LIFR: variants seen among roughly 807,000 people sequenced by gnomAD.
The protein encoded by LIFR is LIF receptor subunit alpha, also known as leukemia inhibitory factor receptor.
Under a neutral mutation model 122.2 loss-of-function variants are expected in LIFR, and 84 were observed. That is an observed-to-expected ratio of 0.69 (90% CI 0.58 to 0.82). The LOEUF (loss-of-function observed/expected upper bound fraction) is 0.82. LIFR is among the 40% of genes least tolerant of loss of function. The probability of loss-of-function intolerance (pLI) is 0.00; values close to 1 mark genes in which losing one functional copy is unlikely to be tolerated. For missense variants in LIFR, 1,294 were observed against 1,311.6 expected (o/e 0.99, Z 0.21); for synonymous variants, 422 against 434.7 (o/e 0.97, Z 0.36).
Position 38,510,641 on chromosome 5 carries a change from C to T in LIFR, c.814G>A (p.Val272Met), listed in dbSNP as rs754053129. 1.2e-6 allele frequency: 2 copies of T among 1,613,912 alleles called. No homozygotes were observed. Among genetic ancestry groups the T allele is most frequent in the Non-Finnish European group, 1.7e-6 (2 of 1,179,896 alleles). ...GCTGATAACACTTTTTCTTGACTCA[C>T]ACAACAAAATGTTATGTCTGAGCCT... ...LVGSDITFCC[V>M]SQEKVLSALI... Residue 272 changes from valine (V) to methionine (M), a missense_variant, in exon 7 of 20, where the codon GTG (valine) becomes ATG (methionine). Transcript: ENST00000453190.
intron 1 of LIFR, 132 bp downstream of exon 1, chr5:38,556,202 G>A (rs900106402): frequency 5.3e-5 from 8 of 151,966 alleles, no homozygotes; most frequent in Non-Finnish European, 1.0e-4. Context: ...GCGCTCTCCG[G>A]GGTCACTCCC....
chr5:38,507,775 C>G (rs1331504661), intron 7 of LIFR, among the ~76,000 whole-genome samples: 1 of 149,368 alleles, frequency 6.7e-6, no homozygotes, highest in African/African-American at 2.5e-5. Flanking sequence ...TTTTTTTTCA[C>G]AAATCTGAAT....
chr5:38,576,072 C>G (rs1232435492), intron 1 of LIFR, among the ~76,000 whole-genome samples: 1 of 152,164 alleles, frequency 6.6e-6, no homozygotes, highest in Admixed American at 6.5e-5. Context: ...GGCCCACATA[C>G]TAATGCCGTG....
At position 38,479,876 on chromosome 5, in the gene LIFR, T is replaced by C. The variant is rs940344375; in HGVS notation, c.*1719A>G. 2 of 225,804 alleles carry C rather than the reference T, an allele frequency of 8.9e-6. No homozygotes were observed. The highest frequency in any genetic ancestry group is 6.4e-5 in the East Asian group (1 of 15,536). The allele number at this position is 225,804 out of a possible 1,614,324, so 14.0% of individuals were successfully genotyped here. A position where few individuals can be genotyped will look rare whatever the true frequency, so the allele number is the denominator to read the frequency against. ...ACTATTATATAGTTTTAATATACTA[T>C]GTATGTACAAAATGAATTGCATTTC... On this transcript the variant is annotated 3_prime_UTR_variant, in exon 20 of 20. Transcript: ENST00000453190.
At chr5:38,564,094 G>A (rs538418249) in intron 1 of LIFR, among the ~76,000 whole-genome samples, 1 of 152,164 alleles carries the variant, frequency 6.6e-6, no homozygotes, top group South Asian at 2.1e-4. Flanking sequence ...TTTCTCTCCT[G>A]CATTCCTGTT....
intron 1 of LIFR, among the ~76,000 whole-genome samples, chr5:38,563,787 C>T (rs1433043592): frequency 6.6e-6 from 1 of 152,202 alleles, no homozygotes; most frequent in African/African-American, 2.4e-5. Flanking sequence ...CGGTTACTGA[C>T]AACAGTGTGA....
chr5:38,514,140 A>G (rs1163634306), intron 5 of LIFR, among the ~76,000 whole-genome samples: 1 of 152,186 alleles, frequency 6.6e-6, no homozygotes, highest in African/African-American at 2.4e-5. Flanking sequence ...AAAATAGAAA[A>G]TACATAGAAA....
At chr5:38,564,337 C>T (rs1748934796) in intron 1 of LIFR, among the ~76,000 whole-genome samples, 1 of 152,006 alleles carries the variant, frequency 6.6e-6, no homozygotes. Context: ...ATCCTCCCAC[C>T]TCAGCCTCCC....
intron 1 of LIFR, among the ~76,000 whole-genome samples, chr5:38,592,648 C>A (rs1749959982): frequency 8.4e-6 from 1 of 118,618 alleles, no homozygotes; most frequent in South Asian, 2.8e-4. Flanking sequence ...CAGAGCGAGA[C>A]TCCGTCTCAA....
intron 1 of LIFR, among the ~76,000 whole-genome samples, chr5:38,573,007 AC>A (rs2112720089): frequency 6.6e-6 from 1 of 152,268 alleles, no homozygotes; most frequent in Admixed American, 6.5e-5. Context: ...CTGTGTTCTA[AC>A]CATTGATCCA....
chr5:38,491,671 G>A (rs982136128), intron 14 of LIFR, among the ~76,000 whole-genome samples: 5 of 152,242 alleles, frequency 3.3e-5, no homozygotes, highest in African/African-American at 7.2e-5. Flanking sequence ...ATTTGAGACA[G>A]TAGTCAACTT....
chr5:38,589,981 G>A (rs936528295), intron 1 of LIFR, among the ~76,000 whole-genome samples: 15 of 152,102 alleles, frequency 9.9e-5, no homozygotes, highest in East Asian at 1.9e-4. Context: ...TTACAAACCC[G>A]GGACACGGAT....
At chr5:38,486,978 G>A (rs1003161023) in intron 16 of LIFR, among the ~76,000 whole-genome samples, 2 of 152,028 alleles carry the variant, frequency 1.3e-5, no homozygotes, top group African/African-American at 4.8e-5. Context: ...TCCCTCATTT[G>A]CTTGATTTTC....
In LIFR at chr5:38,475,856, T is replaced by C. The variant is rs554626836; in HGVS notation, c.*5739A>G. On this transcript the variant is annotated 3_prime_UTR_variant, in exon 20 of 20. Coordinates refer to ENST00000453190, the MANE Select transcript of LIFR (RefSeq NM_001127671.2). ...TTTACCTTTCAACATACTTTTAAGA[T>C]GGTACTATCTTAAATCTAGGATGTC... The C allele has an allele frequency of 2.9e-4, 55 of 189,788 alleles. No individual in the cohort carries two copies. The highest frequency in any genetic ancestry group is 1.3e-3 in the African/African-American group (55 of 43,028). 11.8% of individuals were successfully genotyped at this position (189,788 alleles called of 1,614,324 possible). A position where few individuals can be genotyped will look rare whatever the true frequency, so the allele number is the denominator to read the frequency against.
intron 3 of LIFR, among the ~76,000 whole-genome samples, chr5:38,528,457 G>C (rs978135472): frequency 1.3e-5 from 2 of 152,048 alleles, no homozygotes; most frequent in Non-Finnish European, 2.9e-5. Flanking sequence ...GGCTTTATTT[G>C]GTGGCAGAAA....
chr5:38,505,629 C>A (rs563893034), intron 9 of LIFR, among the ~76,000 whole-genome samples: 6 of 152,188 alleles, frequency 3.9e-5, no homozygotes, highest in African/African-American at 1.2e-4. Context: ...TCAACAATTA[C>A]TTCAAAATAA....
In LIFR at chr5:38,523,567, G is replaced by C. The variant is rs1580108976; in HGVS notation, c.413C>G (p.Thr138Ser). The C allele has an allele frequency of 3.7e-6, 6 of 1,612,646 alleles. No homozygotes were observed. Among genetic ancestry groups the C allele is most frequent in the Middle Eastern group, 3.3e-4 (2 of 6,056 alleles). ...NEQNVSLIPD[T>S]PEILNLSADF... ...AGCAGACAAATTCAAGATCTCTGGA[G>C]TATCTGGAATTAAGGCTTTAAAAAG... Residue 138 changes from threonine to serine, a missense_variant, in exon 5 of 20, where the codon ACT (threonine) becomes AGT (serine). Physicochemically the swap from Thr to Ser is moderately conservative, Grantham distance 58. Coordinates refer to ENST00000453190, the MANE Select transcript of LIFR (RefSeq NM_001127671.2).
At chr5:38,509,890 G>A (rs1745704125) in intron 7 of LIFR, among the ~76,000 whole-genome samples, 1 of 152,104 alleles carries the variant, frequency 6.6e-6, no homozygotes, top group Non-Finnish European at 1.5e-5. Flanking sequence ...TTAGACTGTG[G>A]GGTGATCATG....
At chr5:38,528,879 GACACACATAA>G in intron 2 of LIFR, 39 bp from the exon 3 acceptor site, 1 of 344,774 alleles carries the variant, frequency 2.9e-6, no homozygotes, top group Middle Eastern at 6.4e-4. Flanking sequence ...CACACACACA[GACACACATAA>G]ACACAGAATA....
Sources: gnomAD v4.1 joint callset for allele counts (sites outside exome capture counted in the v4.1 genomes callset) on GRCh38, gnomAD v4.1.1 for gene constraint, MANE v1.5 for transcripts, NCBI Gene and HGNC (gene_info 2026-07-23, HGNC 2026-07-21) for gene names.